Variants in COL6A6 observed in about 807,000 individuals in gnomAD.
COL6A6 encodes the protein collagen type VI alpha 6 chain.
COL6A6 carries 183 observed loss-of-function variants against 208.6 expected under a neutral mutation model. That is an observed-to-expected ratio of 0.88 (90% CI 0.78 to 0.99). The LOEUF (loss-of-function observed/expected upper bound fraction) is 0.99, where lower values mean the gene tolerates loss of function less well. Ranked by LOEUF, COL6A6 falls within the 50% of genes least tolerant of loss-of-function variation. The pLI is 0.00. For synonymous variants in COL6A6, 973 were observed against 1,011.8 expected, an observed-to-expected ratio of 0.96 and a Z score of 0.73; for missense variants, 2,816 against 2,815.2, an observed-to-expected ratio of 1.00 and a Z score of -0.01.
chr3:130,524,787 C>T (rs1241489951), intron 1 of COL6A6, among the ~76,000 whole-genome samples: 2 of 152,116 alleles, frequency 1.3e-5, no homozygotes, highest in East Asian at 1.9e-4. Flanking sequence ...TGCTGGGCAC[C>T]GACTGCATGA....
At chr3:130,663,335 C>T (rs2065985829) in intron 35 of COL6A6, among the ~76,000 whole-genome samples, 1 of 152,020 alleles carries the variant, frequency 6.6e-6, no homozygotes, top group African/African-American at 2.4e-5. Context: ...AGGACCCAAC[C>T]CAGTCATTCT....
In COL6A6 at chr3:130,560,516, G is replaced by GT. The variant is rs1221660971; in HGVS notation, c.64+89dup. 8 of 1,170,922 alleles carry GT rather than the reference G, an allele frequency of 6.8e-6. No homozygotes were observed. The African/African-American group carries it at 7.8e-5, about 11-fold the overall frequency. The allele number at this position is 1,170,922 out of a possible 1,614,324, so 72.5% of individuals were successfully genotyped here. On this transcript the variant is annotated intron_variant, in intron 2 of 36. Coordinates refer to ENST00000358511, the MANE Select transcript of COL6A6 (RefSeq NM_001102608.3). ...GACCTATTTAAAAGTTACAAGTTTT[G>GT]TATCACTTTGTTTTGATTTTGATGG...
intron 8 of COL6A6, among the ~76,000 whole-genome samples, chr3:130,579,115 TTAAAG>T (rs1268554970): frequency 1.3e-5 from 2 of 152,188 alleles, no homozygotes; most frequent in Non-Finnish European, 2.9e-5. Flanking sequence ...ACTTTCCCCT[TTAAAG>T]TATTTTCTCA....
chr3:130,540,969 G>A (rs2062348905), intron 1 of COL6A6, among the ~76,000 whole-genome samples: 1 of 152,180 alleles, frequency 6.6e-6, no homozygotes, highest in Admixed American at 6.5e-5. Context: ...GTGAACATAT[G>A]TGTGCATATA....
At chr3:130,586,761 G>C (rs947962493) in intron 11 of COL6A6, 101 bp downstream of exon 11, 2 of 1,202,590 alleles carry the variant, frequency 1.7e-6, no homozygotes, top group Non-Finnish European at 2.3e-6. Context: ...TGTTTATTTG[G>C]GAGTGAAGAA....
At position 130,676,796 on chromosome 3, in the gene COL6A6, G is replaced by A. The variant is rs1340965123; in HGVS notation, c.*1399G>A. Reference sequence around the variant, plus strand: ...GAGTTAAATGTCACATTCATACTCAGGTAATAGAGAAGAATAAAACACATC... The same window carrying A: ...GAGTTAAATGTCACATTCATACTCAAGTAATAGAGAAGAATAAAACACATC... On this transcript the variant is annotated 3_prime_UTR_variant, in exon 37 of 37. Coordinates refer to ENST00000358511, the MANE Select transcript of COL6A6 (RefSeq NM_001102608.3). 6.6e-6 allele frequency: 1 copy of A among 152,176 alleles called. No homozygotes were observed. The allele number at this position is 152,176 out of a possible 1,614,324, so 9.4% of individuals were successfully genotyped here.
At chr3:130,573,933 G>A (rs1294580838) in intron 7 of COL6A6, 23 bp from the exon 8 acceptor site, 1 of 1,511,996 alleles carries the variant, frequency 6.6e-7, no homozygotes, top group Non-Finnish European at 9.1e-7. Context: ...TGGGTTTTCT[G>A]TTGTTCCTTC....
chr3:130,616,238 A>G (rs975550099), intron 23 of COL6A6, among the ~76,000 whole-genome samples: 25 of 152,080 alleles, frequency 1.6e-4, no homozygotes, highest in Non-Finnish European at 3.7e-4. Flanking sequence ...TTTACAGCAC[A>G]CAAGGACCAG....
intron 31 of COL6A6, among the ~76,000 whole-genome samples, chr3:130,643,275 G>C (rs1339822872): frequency 6.6e-6 from 1 of 152,108 alleles, no homozygotes. Flanking sequence ...ATTGAGATTT[G>C]ATGTCTGAAT....
At chr3:130,652,321 G>C (rs568719864) in intron 33 of COL6A6, among the ~76,000 whole-genome samples, 2 of 152,210 alleles carry the variant, frequency 1.3e-5, no homozygotes, top group African/African-American at 4.8e-5. Flanking sequence ...TGTGTTTCTC[G>C]TGGAGAGGTA....
At chr3:130,609,591 A>G (rs769070784) in intron 22 of COL6A6, among the ~76,000 whole-genome samples, 7 of 152,188 alleles carry the variant, frequency 4.6e-5, no homozygotes, top group Non-Finnish European at 1.0e-4. Flanking sequence ...AAGGAAAGGA[A>G]ATCCTAGCAA....
At chr3:130,648,727 A>G (rs1285750762) in intron 32 of COL6A6, among the ~76,000 whole-genome samples, 2 of 152,216 alleles carry the variant, frequency 1.3e-5, no homozygotes, top group Admixed American at 6.5e-5. Flanking sequence ...AGTTCCAGCA[A>G]CAAAACTTGA....
At chr3:130,634,052 T>TAAAAA (rs34137705) in intron 26 of COL6A6, among the ~76,000 whole-genome samples, 90 of 26,716 alleles carry the variant, frequency 3.4e-3, no homozygotes, top group Middle Eastern at 0.043. Context: ...TAGAGTATAA[T>TAAAAA]AAAAAAAAAA....
chr3:130,635,260 A>C (rs2065078627), intron 27 of COL6A6, among the ~76,000 whole-genome samples: 1 of 152,152 alleles, frequency 6.6e-6, no homozygotes, highest in Non-Finnish European at 1.5e-5. Flanking sequence ...GTAGAAAGAA[A>C]AGTGTAATGT....
rs140524388 is a variant in COL6A6, at chr3:130,649,428, G to A, written c.5599G>A (p.Ala1867Thr). ...TCCGGGGGCACACACGAGAAAAATC[G>A]CCACATTTTTCAGCAGCGGTCAGTC... ...TLPGAHTRKI[A>T]TFFSSGQSAD... The change falls in exon 33 of 37, where the codon GCC becomes ACC. Residue 1867 changes from alanine to threonine, a missense_variant. Ala to Thr is a moderately conservative substitution (Grantham distance 58). Coordinates refer to ENST00000358511, the MANE Select transcript of COL6A6 (RefSeq NM_001102608.3). The A allele has an allele frequency of 3.1e-6, 5 of 1,613,064 alleles. No homozygotes were observed. The Admixed American group carries it at 5.0e-5, about 16-fold the overall frequency.
rs2107901963 is a variant in COL6A6, at chr3:130,567,169, G to T, written c.1750G>T (p.Ala584Ser). The T allele has an allele frequency of 1.2e-6, 2 of 1,613,756 alleles. No homozygotes were observed. The highest frequency in any genetic ancestry group is 3.3e-5 in the Admixed American group (2 of 60,010). The stretch of plus-strand genomic sequence containing the variant: ...CAACCAAACACAGCTGAGAGAAATT[G>T]CAGGAGAGGAAAAGAGAGTGTATTA... ...EANQTQLREI[A>S]GEEKRVYYVH... is the part of the protein sequence containing the mutation. Residue 584 changes from alanine to serine, a missense_variant, in exon 5 of 37, where the codon GCA (alanine) becomes TCA (serine). Physicochemically the swap from Ala to Ser is moderately conservative, Grantham distance 99. Coordinates refer to ENST00000358511, the MANE Select transcript of COL6A6 (RefSeq NM_001102608.3).
At chr3:130,675,002 A>G (rs547565271) in intron 36 of COL6A6, among the ~76,000 whole-genome samples, 200 bp from the exon 37 acceptor site, 1 of 152,236 alleles carries the variant, frequency 6.6e-6, no homozygotes, top group Non-Finnish European at 1.5e-5. Flanking sequence ...ATACTTTTGC[A>G]TACTTTGATG....
rs188901698 is a variant in COL6A6, at chr3:130,672,935, G to A, written c.6597-2267G>A. On this transcript the variant is annotated intron_variant, in intron 36 of 36. Coordinates refer to ENST00000358511, the MANE Select transcript of COL6A6 (RefSeq NM_001102608.3). The stretch of plus-strand genomic sequence containing the variant: ...GAGGCAGGAGAATCACTCGAAACCC[G>A]GGGGGGCAAAGGTTGCAGTAAGCCG... Among the ~76,000 whole-genome samples, 620 of 150,650 alleles carry A rather than the reference G, an allele frequency of 4.1e-3. 1 individual carries two copies. Among genetic ancestry groups the A allele is most frequent in the African/African-American group, 0.014 (576 of 41,120 alleles).
chr3:130,605,922 C>T (rs1308652714), intron 20 of COL6A6, among the ~76,000 whole-genome samples: 1 of 152,188 alleles, frequency 6.6e-6, no homozygotes, highest in Non-Finnish European at 1.5e-5. Context: ...TTATTCACTT[C>T]CATGAGAACA....
Sources: gnomAD v4.1 joint callset for allele counts (sites outside exome capture counted in the v4.1 genomes callset) on GRCh38, gnomAD v4.1.1 for gene constraint, MANE v1.5 for transcripts, NCBI Gene and HGNC (gene_info 2026-07-23, HGNC 2026-07-21) for gene names.